DNAJB1: variants seen among roughly 807,000 people sequenced by gnomAD.
DNAJB1 encodes dnaJ homolog subfamily B member 1.
Under a neutral mutation model 24.0 loss-of-function variants are expected in DNAJB1, and 14 were observed. The observed-to-expected ratio is 0.58, with a 90% CI of 0.39 to 0.91. The LOEUF (loss-of-function observed/expected upper bound fraction) is 0.91. Ranked by LOEUF, DNAJB1 falls within the 40% of genes least tolerant of loss-of-function variation. The pLI is 0.00. For synonymous variants in DNAJB1, 262 were observed against 174.4 expected (o/e 1.50, Z -3.96); for missense variants, 517 against 458.1 (o/e 1.13, Z -1.17).
At chr19:14,516,441 G>A (rs2146518961) in intron 2 of DNAJB1, 25 bp downstream of exon 2, 1 of 1,603,554 alleles carries the variant, frequency 6.2e-7, no homozygotes, top group East Asian at 2.2e-5. Flanking sequence ...GCCCTCTACA[G>A]ACACCGCCCC....
In DNAJB1 at chr19:14,515,766, T is replaced by C; in HGVS notation, c.*174A>G. On this transcript the variant is annotated 3_prime_UTR_variant, in exon 3 of 3. Transcript: ENST00000254322. ...GATGCCCTATAGCTCGAAAAACCACTGAAGTCTAGTGTGCGACTTTGAAAG... is the reference window on the plus strand; with the variant it reads ...GATGCCCTATAGCTCGAAAAACCACCGAAGTCTAGTGTGCGACTTTGAAAG... 1.6e-6 allele frequency: 1 copy of C among 628,870 alleles called. No homozygotes were observed. Among genetic ancestry groups the C allele is most frequent in the Non-Finnish European group, 2.7e-6 (1 of 374,168 alleles). 39.0% of individuals were successfully genotyped at this position (628,870 alleles called of 1,614,324 possible).
At chr19:14,551,122 A>G (rs963807225), upstream of DNAJB1, among the ~76,000 whole-genome samples, 1 of 151,466 alleles carries the variant, frequency 6.6e-6, no homozygotes, top group African/African-American at 2.4e-5. Context: ...CCCAGGCTGG[A>G]GTGCAGTGGT....
chr19:14,528,412 G>GT (rs1354868853), intron 1 of DNAJB1, among the ~76,000 whole-genome samples: 3 of 151,530 alleles, frequency 2.0e-5, no homozygotes, highest in Non-Finnish European at 4.4e-5. Flanking sequence ...GCTAATTTTT[G>GT]TATTTTTAGT....
upstream of DNAJB1, among the ~76,000 whole-genome samples, chr19:14,551,946 CCTCT>C (rs71166756): frequency 0.017 from 1,200 of 71,208 alleles, 27 homozygotes; most frequent in Middle Eastern, 0.029. Context: ...TCCCTCCCTC[CCTCT>C]CTCTCTCTCT....
At chr19:14,517,396 C>G (rs2072288312) in intron 1 of DNAJB1, 1 of 231,268 alleles carries the variant, frequency 4.3e-6, no homozygotes. Context: ...TAAGTGTTTA[C>G]TCTCAACGTT....
chr19:14,536,260 C>T (rs552871413), intron 1 of DNAJB1, among the ~76,000 whole-genome samples: 2 of 146,784 alleles, frequency 1.4e-5, no homozygotes, highest in Admixed American at 6.9e-5. Flanking sequence ...TTTAGTTTCT[C>T]GAGCTAGTTT....
intron 2 of DNAJB1, among the ~76,000 whole-genome samples, chr19:14,525,095 A>G (rs1429578954): frequency 1.3e-5 from 2 of 151,504 alleles, no homozygotes; most frequent in Admixed American, 6.6e-5. Flanking sequence ...TTAGCTGGGC[A>G]TGGTGGTGCA....
At chr19:14,542,925 A>G (rs1029085948) in intron 1 of DNAJB1, among the ~76,000 whole-genome samples, 1 of 151,318 alleles carries the variant, frequency 6.6e-6, no homozygotes, top group Non-Finnish European at 1.5e-5. Context: ...AGAGCCCACC[A>G]GCCATTCACA....
At chr19:14,529,696 C>T (rs2072541840), upstream of DNAJB1, 1 of 1,614,110 alleles carries the variant, frequency 6.2e-7, no homozygotes, top group South Asian at 1.1e-5. Flanking sequence ...GGGAGGGAGC[C>T]ATGAAGCATT....
intron 2 of DNAJB1, among the ~76,000 whole-genome samples, chr19:14,527,200 A>G (rs1297386353): frequency 2.0e-4 from 4 of 20,264 alleles, no homozygotes; most frequent in East Asian, 1.5e-3. Context: ...TTTTTTTTTG[A>G]GACGGAGTTT....
chr19:14,519,246 G>T (rs938603567), upstream of DNAJB1, among the ~76,000 whole-genome samples: 2 of 152,178 alleles, frequency 1.3e-5, no homozygotes, highest in Non-Finnish European at 2.9e-5. Context: ...GCACGAACCT[G>T]TAATCCCAGC....
At chr19:14,531,614 G>T, upstream of DNAJB1, 1 of 152,016 alleles carries the variant, frequency 6.6e-6, no homozygotes, top group South Asian at 2.1e-4. Flanking sequence ...TAGAGACAGG[G>T]TTTCTCCATG....
upstream of DNAJB1, among the ~76,000 whole-genome samples, chr19:14,519,139 G>A (rs565812496): frequency 2.0e-4 from 31 of 152,240 alleles, no homozygotes; most frequent in South Asian, 6.4e-3. Flanking sequence ...AGGCCGAGGC[G>A]GGCGGATCAC....
intron 1 of DNAJB1, among the ~76,000 whole-genome samples, chr19:14,556,392 G>A (rs1035430555): frequency 1.4e-5 from 2 of 139,280 alleles, no homozygotes; most frequent in African/African-American, 5.5e-5. Context: ...CAGCCTGGGC[G>A]ACAGCGAGAC....
At chr19:14,529,956 G>T, upstream of DNAJB1, 1 of 589,280 alleles carries the variant, frequency 1.7e-6, no homozygotes, top group Non-Finnish European at 3.0e-6. Flanking sequence ...GTCTCTGCAG[G>T]GGCTGGGACG....
chr19:14,538,366 G>T (rs577688741), intron 1 of DNAJB1, among the ~76,000 whole-genome samples: 1 of 152,222 alleles, frequency 6.6e-6, no homozygotes, highest in African/African-American at 2.4e-5. Flanking sequence ...CTGGGGGCCT[G>T]TGGGGGAGTG....
At chr19:14,542,523 G>A (rs543052913) in intron 1 of DNAJB1, among the ~76,000 whole-genome samples, 2 of 151,240 alleles carry the variant, frequency 1.3e-5, no homozygotes, top group Admixed American at 6.6e-5. Flanking sequence ...CACCACTCCC[G>A]GCTAATTTTT....
chr19:14,527,514 C>G (rs576218899), intron 2 of DNAJB1: 3 of 152,224 alleles, frequency 2.0e-5, no homozygotes, highest in African/African-American at 7.2e-5. Flanking sequence ...ATACAGAACA[C>G]CTTCAGGTTT....
chr19:14,535,485 C>T (rs1469067074), intron 1 of DNAJB1, among the ~76,000 whole-genome samples: 6 of 108,200 alleles, frequency 5.5e-5, no homozygotes, highest in Admixed American at 1.2e-4. Context: ...CCAGCCTGGG[C>T]GACAGAGCGA....
Sources: gnomAD v4.1 joint callset for allele counts (sites outside exome capture counted in the v4.1 genomes callset) on GRCh38, gnomAD v4.1.1 for gene constraint, MANE v1.5 for transcripts, NCBI Gene and HGNC (gene_info 2026-07-23, HGNC 2026-07-21) for gene names.